Variants in STXBP5L observed in about 807,000 individuals in gnomAD.
STXBP5L encodes syntaxin binding protein 5L, also known as syntaxin-binding protein 5-like.
In STXBP5L, 65 loss-of-function variants were observed where a neutral mutation model predicts 144.5. That is an observed-to-expected ratio of 0.45 (90% CI 0.37 to 0.55). The LOEUF is 0.55. Ranked by LOEUF, STXBP5L falls within the 20% of genes least tolerant of loss-of-function variation. STXBP5L has a pLI of 0.00. For synonymous variants in STXBP5L, 505 were observed against 469.6 expected, an observed-to-expected ratio of 1.08 and a Z score of -0.97; for missense variants, 1,298 against 1,405.5, an observed-to-expected ratio of 0.92 and a Z score of 1.22.
chr3:121,070,546 C>T (rs2041763941), intron 5 of STXBP5L, among the ~76,000 whole-genome samples: 1 of 151,538 alleles, frequency 6.6e-6, no homozygotes, highest in South Asian at 2.1e-4. Flanking sequence ...TTCATTCCTC[C>T]CTTTTGGTGC....
At chr3:121,149,576 G>A (rs1410621433) in intron 7 of STXBP5L, among the ~76,000 whole-genome samples, 1 of 151,910 alleles carries the variant, frequency 6.6e-6, no homozygotes, top group African/African-American at 2.4e-5. Flanking sequence ...ATCTGGAATG[G>A]CAAAGAGAAT....
intron 5 of STXBP5L, among the ~76,000 whole-genome samples, chr3:121,057,836 C>T (rs938387339): frequency 2.6e-5 from 4 of 151,866 alleles, no homozygotes; most frequent in Admixed American, 1.3e-4. Context: ...CTTTTTATAT[C>T]TCTTTTTTCT....
chr3:121,226,396 AGT>A (rs1559884386), intron 11 of STXBP5L, among the ~76,000 whole-genome samples: 1 of 152,174 alleles, frequency 6.6e-6, no homozygotes, highest in Admixed American at 6.6e-5. Context: ...GCCCCATTAG[AGT>A]GTGGAATACA....
At chr3:121,163,043 G>C (rs143277082) in intron 9 of STXBP5L, among the ~76,000 whole-genome samples, 1 of 152,108 alleles carries the variant, frequency 6.6e-6, no homozygotes, top group Non-Finnish European at 1.5e-5. Context: ...ACCAGAAATA[G>C]CATTTGACCC....
At chr3:121,150,972 C>T (rs780569876) in intron 7 of STXBP5L, among the ~76,000 whole-genome samples, 3 of 151,912 alleles carry the variant, frequency 2.0e-5, no homozygotes, top group Admixed American at 2.0e-4. Context: ...CCTGTAATCC[C>T]AGCTATTCAG....
In STXBP5L at chr3:121,160,192, T is replaced by C. The variant is rs116843958; in HGVS notation, c.877+2565T>C. 1.2e-4 allele frequency among the ~76,000 whole-genome samples: 19 copies of C among 152,330 alleles called. No homozygotes were observed. In the East Asian group the frequency reaches 1.7e-3, roughly 14 times the overall value. On this transcript the variant is annotated intron_variant, in intron 9 of 26. Coordinates refer to ENST00000471454, the MANE Select transcript of STXBP5L (RefSeq NM_001308330.2). The stretch of plus-strand genomic sequence containing the variant: ...ATACTTGTCTAGTGCTATCAATTGC[T>C]GAGAGAGTGCTATTAAATTTCCTAA...
intron 20 of STXBP5L, among the ~76,000 whole-genome samples, chr3:121,353,300 T>A (rs1361033128): frequency 6.6e-6 from 1 of 152,204 alleles, no homozygotes; most frequent in Non-Finnish European, 1.5e-5. Context: ...TGTCTGTGAA[T>A]CCGTCTGGTC....
At chr3:121,197,487 CTATT>C (rs564068067) in intron 9 of STXBP5L, among the ~76,000 whole-genome samples, 3 of 151,864 alleles carry the variant, frequency 2.0e-5, no homozygotes, top group East Asian at 1.9e-4. Flanking sequence ...AATTTAATTT[CTATT>C]TATTTATTTA....
intron 19 of STXBP5L, among the ~76,000 whole-genome samples, chr3:121,317,562 C>T (rs2043826775): frequency 6.6e-6 from 1 of 152,028 alleles, no homozygotes; most frequent in Non-Finnish European, 1.5e-5. Context: ...AAATAGCTCT[C>T]AAATGTTTCT....
chr3:121,145,307 AC>A (rs2045672414), intron 7 of STXBP5L, among the ~76,000 whole-genome samples: 1 of 151,894 alleles, frequency 6.6e-6, no homozygotes, highest in Non-Finnish European at 1.5e-5. Flanking sequence ...AGATACTATT[AC>A]AAAATCCATC....
intron 20 of STXBP5L, among the ~76,000 whole-genome samples, chr3:121,334,967 A>C (rs1168490921): frequency 6.6e-6 from 1 of 152,232 alleles, no homozygotes; most frequent in East Asian, 1.9e-4. Flanking sequence ...GCAATCAGGC[A>C]AAAGAAAGAA....
chr3:121,292,594 G>A (rs766014447), intron 19 of STXBP5L, among the ~76,000 whole-genome samples: 13 of 152,170 alleles, frequency 8.5e-5, no homozygotes, highest in Non-Finnish European at 1.6e-4. Flanking sequence ...GCACATGCAT[G>A]TTTATAGCAG....
At chr3:121,042,091 A>G (rs1357758193) in intron 4 of STXBP5L, among the ~76,000 whole-genome samples, 3 of 152,074 alleles carry the variant, frequency 2.0e-5, no homozygotes, top group African/African-American at 7.2e-5. Context: ...TTTTTTCTAT[A>G]CACTCACTTC....
intron 3 of STXBP5L, among the ~76,000 whole-genome samples, chr3:121,019,125 C>G (rs964492440): frequency 6.6e-6 from 1 of 152,162 alleles, no homozygotes; most frequent in Non-Finnish European, 1.5e-5. Context: ...CCCGGGTGAC[C>G]TGTGGGATGC....
intron 3 of STXBP5L, among the ~76,000 whole-genome samples, chr3:120,995,044 A>T (rs937286475): frequency 6.6e-6 from 1 of 152,118 alleles, no homozygotes; most frequent in African/African-American, 2.4e-5. Flanking sequence ...TCCTCAACCT[A>T]CTTTTAAAAA....
chr3:121,353,067 T>C (rs2045360547), intron 20 of STXBP5L, among the ~76,000 whole-genome samples: 1 of 152,194 alleles, frequency 6.6e-6, no homozygotes, highest in African/African-American at 2.4e-5. Context: ...TTTGATGTGG[T>C]GCTGGATTCG....
chr3:120,934,096 T>C (rs1710121678), intron 2 of STXBP5L, among the ~76,000 whole-genome samples: 1 of 151,576 alleles, frequency 6.6e-6, no homozygotes, highest in Non-Finnish European at 1.5e-5. Context: ...TTTTTCTTTT[T>C]TTTTTTTTCA....
intron 5 of STXBP5L, among the ~76,000 whole-genome samples, chr3:121,057,868 A>G (rs1948570055): frequency 6.6e-6 from 1 of 151,380 alleles, no homozygotes; most frequent in African/African-American, 2.4e-5. Flanking sequence ...TCTGTCTCTC[A>G]CTCTATCTTC....
intron 22 of STXBP5L, among the ~76,000 whole-genome samples, chr3:121,391,680 T>G (rs143700360): frequency 0.027 from 4,046 of 152,274 alleles, 73 homozygotes; most frequent in South Asian, 0.061. Context: ...GGAGGCCCAC[T>G]CCAGACCCTG....
Sources: gnomAD v4.1 joint callset for allele counts (sites outside exome capture counted in the v4.1 genomes callset) on GRCh38, gnomAD v4.1.1 for gene constraint, MANE v1.5 for transcripts, NCBI Gene and HGNC (gene_info 2026-07-23, HGNC 2026-07-21) for gene names.